Variants in P2RY8 observed in about 807,000 individuals in gnomAD.
P2RY8 encodes S-geranylgeranyl-glutathione receptor P2RY8.
Under a neutral mutation model 10.0 loss-of-function variants are expected in P2RY8, and 6 were observed. That is an observed-to-expected ratio of 0.60 (90% confidence interval 0.33 to 1.19). The LOEUF is 1.19. Ranked by LOEUF, P2RY8 falls within the 50% of genes most tolerant of loss-of-function variation. P2RY8 has a pLI of 0.04. For synonymous variants in P2RY8, 276 were observed against 252.5 expected (o/e 1.09, Z -0.88); for missense variants, 456 against 542.0 (o/e 0.84, Z 1.58).
At position 1,465,405 on chromosome X, in the gene P2RY8, G is replaced by A. The variant is rs2091650637; in HGVS notation, c.*74C>T. The stretch of plus-strand genomic sequence containing the variant: ...ACGCAGCTGTTCTCCCTGAACCTCT[G>A]GCACCGTGGCCTCTCCATGCGCCCC... On this transcript the variant is annotated 3_prime_UTR_variant, in exon 2 of 2. Transcript: ENST00000381297. The A allele has an allele frequency of 1.3e-6, 2 of 1,522,566 alleles. No individual in the cohort carries two copies. Among genetic ancestry groups the A allele is most frequent in the Non-Finnish European group, 1.7e-6 (2 of 1,143,498 alleles). 94.3% of individuals were successfully genotyped at this position (1,522,566 alleles called of 1,614,324 possible). A position where few individuals can be genotyped will look rare whatever the true frequency, so the allele number is the denominator to read the frequency against.
chrX:1,523,841 G>A (rs1406503475), intron 1 of P2RY8, among the ~76,000 whole-genome samples: 1 of 151,868 alleles, frequency 6.6e-6, no homozygotes, highest in Non-Finnish European at 1.5e-5. Context: ...GCACCACCAC[G>A]CCCGGCTAAT....
At chrX:1,535,838 G>C (rs1164458062) in intron 1 of P2RY8, among the ~76,000 whole-genome samples, 1 of 151,992 alleles carries the variant, frequency 6.6e-6, no homozygotes, top group Non-Finnish European at 1.5e-5. Flanking sequence ...AGGCCTTGTT[G>C]TGTGTGGCCT....
At chrX:1,481,416 G>A (rs2091933623) in intron 1 of P2RY8, among the ~76,000 whole-genome samples, 2 of 152,030 alleles carry the variant, frequency 1.3e-5, no homozygotes, top group African/African-American at 4.8e-5. Flanking sequence ...CACCTGCCTC[G>A]ACCTCCCAAA....
chrX:1,507,536 A>G (rs1169391308), intron 1 of P2RY8, among the ~76,000 whole-genome samples: 1 of 152,118 alleles, frequency 6.6e-6, no homozygotes, highest in African/African-American at 2.4e-5. Context: ...GAGCTGGGGT[A>G]GCTCATGAGT....
intron 1 of P2RY8, among the ~76,000 whole-genome samples, chrX:1,497,726 C>T (rs751579798): frequency 4.1e-4 from 62 of 152,190 alleles, no homozygotes; most frequent in African/African-American, 1.2e-3. Flanking sequence ...TTACGCCTGG[C>T]ATCTCCAAGA....
chrX:1,533,790 T>C (rs1210455001), intron 1 of P2RY8, among the ~76,000 whole-genome samples: 1 of 122,920 alleles, frequency 8.1e-6, no homozygotes, highest in East Asian at 2.7e-4. Flanking sequence ...TATTTAAATA[T>C]ACTATATATT....
intron 1 of P2RY8, among the ~76,000 whole-genome samples, chrX:1,515,566 T>C (rs2092340414): frequency 1.3e-5 from 2 of 149,120 alleles, no homozygotes; most frequent in African/African-American, 4.9e-5. Flanking sequence ...AGATGGGATT[T>C]CTCCATGTTG....
At chrX:1,524,801 CCACT>C (rs1167206569) in intron 1 of P2RY8, among the ~76,000 whole-genome samples, 17 of 94,404 alleles carry the variant, frequency 1.8e-4, no homozygotes, top group South Asian at 4.0e-4. Context: ...ATTCATCCAT[CCACT>C]CATCCATCCA....
At chrX:1,509,588 G>C (rs1408121365) in intron 1 of P2RY8, among the ~76,000 whole-genome samples, 1 of 114,868 alleles carries the variant, frequency 8.7e-6, no homozygotes, top group African/African-American at 4.1e-5. Flanking sequence ...TCCATTCATT[G>C]TATCTATCAT....
At chrX:1,478,092 G>A (rs2091895439) in intron 1 of P2RY8, among the ~76,000 whole-genome samples, 1 of 152,112 alleles carries the variant, frequency 6.6e-6, no homozygotes, top group African/African-American at 2.4e-5. Flanking sequence ...GAGCTGGGGT[G>A]GGGTCAGACG....
chrX:1,477,384 TATCA>T lies in P2RY8; in HGVS notation c.-24-10806_-24-10803del, dbSNP rs200380377. ...TCTATCTACCTATCAATTTTCTCTC[TATCA>T]ATTACTTATCTATCTAGCAATCATA... is the stretch of plus-strand genomic sequence containing the variant. On this transcript the variant is annotated intron_variant, in intron 1 of 1. Transcript: ENST00000381297. Among the ~76,000 whole-genome samples, 608 of 151,616 alleles carry T rather than the reference TATCA, an allele frequency of 4.0e-3. 4 individuals are homozygous for T. Among genetic ancestry groups the T allele is most frequent in the Middle Eastern group, 0.027 (8 of 294 alleles).
chrX:1,523,617 T>G (rs2149410924), intron 1 of P2RY8, among the ~76,000 whole-genome samples: 1 of 152,292 alleles, frequency 6.6e-6, no homozygotes, highest in South Asian at 2.1e-4. Flanking sequence ...ACAGAGGTGA[T>G]GATTGTACAA....
intron 1 of P2RY8, among the ~76,000 whole-genome samples, chrX:1,509,733 C>CTATCTATG (rs1280135185): frequency 2.2e-4 from 22 of 102,254 alleles, no homozygotes; most frequent in Admixed American, 5.7e-4. Flanking sequence ...ATCTATGTAT[C>CTATCTATG]TATCTATGTA....
chrX:1,532,375 A>G (rs2092482266), intron 1 of P2RY8, among the ~76,000 whole-genome samples: 1 of 150,258 alleles, frequency 6.7e-6, no homozygotes, highest in Non-Finnish European at 1.5e-5. Context: ...ATATACGTAT[A>G]TGATGTGTGT....
chrX:1,526,413 G>C (rs868675882), intron 1 of P2RY8, among the ~76,000 whole-genome samples: 3,465 of 151,646 alleles, frequency 0.023, 157 homozygotes, highest in African/African-American at 0.081. Flanking sequence ...ATTTATTCAT[G>C]CATCCATTCA....
chrX:1,478,473 TTTTA>T (rs751712698), intron 1 of P2RY8, among the ~76,000 whole-genome samples: 215 of 151,994 alleles, frequency 1.4e-3, no homozygotes, highest in African/African-American at 5.1e-3. Context: ...CACAGGTATC[TTTTA>T]TTTATTTATT....
intron 1 of P2RY8, among the ~76,000 whole-genome samples, chrX:1,467,933 C>A (rs1449524629): frequency 1.3e-5 from 2 of 151,576 alleles, no homozygotes; most frequent in Non-Finnish European, 2.9e-5. Flanking sequence ...CCTGCCTCAG[C>A]CTCCTGAGTA....
intron 1 of P2RY8, among the ~76,000 whole-genome samples, chrX:1,488,572 C>T (rs1187865154): frequency 5.8e-4 from 88 of 152,168 alleles, no homozygotes; most frequent in African/African-American, 2.1e-3. Context: ...CATGGACCTG[C>T]CAGAGCCTCT....
intron 1 of P2RY8, among the ~76,000 whole-genome samples, chrX:1,481,435 A>G (rs1303648715): frequency 6.6e-6 from 1 of 152,134 alleles, no homozygotes; most frequent in Non-Finnish European, 1.5e-5. Context: ...AAGTGCTGGG[A>G]TTACAGGCGT....
Sources: gnomAD v4.1 joint callset for allele counts (sites outside exome capture counted in the v4.1 genomes callset) on GRCh38, gnomAD v4.1.1 for gene constraint, MANE v1.5 for transcripts, NCBI Gene and HGNC (gene_info 2026-07-23, HGNC 2026-07-21) for gene names.